Variants in CD2AP observed in about 807,000 individuals in gnomAD.
The protein encoded by CD2AP is CD2-associated protein.
In CD2AP, 46 loss-of-function variants were observed where a neutral mutation model predicts 85.1. That is an observed-to-expected ratio of 0.54 (90% confidence interval 0.43 to 0.69). The LOEUF (loss-of-function observed/expected upper bound fraction) is 0.69, where lower values mean the gene tolerates loss of function less well. CD2AP is among the 30% of genes least tolerant of loss of function. The pLI, the probability that CD2AP is intolerant of heterozygous loss-of-function variation, is 0.00. For synonymous variants in CD2AP, 255 were observed against 252.9 expected, an observed-to-expected ratio of 1.01 and a Z score of -0.08; for missense variants, 769 against 729.5, an observed-to-expected ratio of 1.05 and a Z score of -0.62.
intron 16 of CD2AP, among the ~76,000 whole-genome samples, chr6:47,611,276 A>G (rs1269637508): frequency 1.3e-5 from 2 of 151,662 alleles, no homozygotes; most frequent in Non-Finnish European, 1.5e-5. Flanking sequence ...GTTGAAAAGC[A>G]TACCAAACCA....
intron 16 of CD2AP, among the ~76,000 whole-genome samples, chr6:47,610,973 T>TATATATATATTTA (rs1454709863): frequency 3.3e-5 from 1 of 30,044 alleles, no homozygotes; most frequent in East Asian, 2.7e-3. Context: ...ATATATGTAT[T>TATATATATATTTA]TTTTTTTTTT....
chr6:47,491,612 A>C (rs1765738021), intron 1 of CD2AP, among the ~76,000 whole-genome samples: 1 of 152,058 alleles, frequency 6.6e-6, no homozygotes, highest in Non-Finnish European at 1.5e-5. Flanking sequence ...CATACAACTT[A>C]TGCCTATTTG....
intron 4 of CD2AP, among the ~76,000 whole-genome samples, chr6:47,552,107 T>G (rs1337877623): frequency 1.3e-5 from 2 of 152,010 alleles, no homozygotes; most frequent in Non-Finnish European, 2.9e-5. Flanking sequence ...GCCATCTAAG[T>G]CTGAATTTCA....
At chr6:47,513,794 A>G (rs950710664) in intron 2 of CD2AP, among the ~76,000 whole-genome samples, 1 of 151,320 alleles carries the variant, frequency 6.6e-6, no homozygotes, top group African/African-American at 2.4e-5. Flanking sequence ...GGGTGTGCAC[A>G]TGTTCAACTA....
At chr6:47,503,527 A>T in intron 2 of CD2AP, 87 bp downstream of exon 2, 1 of 1,179,882 alleles carries the variant, frequency 8.5e-7, no homozygotes, top group Non-Finnish European at 1.2e-6. Flanking sequence ...TTAAAATTAA[A>T]ATGTTTTAGA....
At chr6:47,570,745 T>C (rs1029588682) in intron 5 of CD2AP, among the ~76,000 whole-genome samples, 13 of 152,156 alleles carry the variant, frequency 8.5e-5, no homozygotes, top group Non-Finnish European at 7.4e-5. Flanking sequence ...TTCCCCATTT[T>C]ACAGGCAAAG....
At chr6:47,587,863 C>G (rs1459849925) in intron 11 of CD2AP, among the ~76,000 whole-genome samples, 3 of 152,086 alleles carry the variant, frequency 2.0e-5, no homozygotes, top group African/African-American at 7.2e-5. Context: ...TGCTGAAGGC[C>G]AGTCTGGTTC....
At position 47,507,715 on chromosome 6, in the gene CD2AP, G is replaced by T. The variant is rs548679570; in HGVS notation, c.165+4275G>T. ...CCGCCTTGGCCTCAGAAAATGCAGAGATTACAGGTGTGAGCCACCGTGCCT... is the reference window on the plus strand; with the variant it reads ...CCGCCTTGGCCTCAGAAAATGCAGATATTACAGGTGTGAGCCACCGTGCCT... On this transcript the variant is annotated intron_variant, in intron 2 of 17. Transcript: ENST00000359314. 5.9e-5 allele frequency among the ~76,000 whole-genome samples: 9 copies of T among 152,258 alleles called. No individual in the cohort carries two copies. In the South Asian group the frequency reaches 1.5e-3, roughly 25 times the overall value.
At chr6:47,509,215 T>C (rs764313576) in intron 2 of CD2AP, among the ~76,000 whole-genome samples, 2 of 152,134 alleles carry the variant, frequency 1.3e-5, no homozygotes, top group Admixed American at 6.5e-5. Flanking sequence ...ATTTATTAAA[T>C]TTGCTGTCTG....
intron 5 of CD2AP, among the ~76,000 whole-genome samples, chr6:47,568,819 AC>A (rs1364876998): frequency 6.6e-6 from 1 of 152,208 alleles, no homozygotes; most frequent in Admixed American, 6.5e-5. Context: ...GAAGAAAAAA[AC>A]TAAAGACCCT....
At chr6:47,539,812 A>AT (rs1274141275) in intron 3 of CD2AP, among the ~76,000 whole-genome samples, 1 of 152,094 alleles carries the variant, frequency 6.6e-6, no homozygotes, top group African/African-American at 2.4e-5. Flanking sequence ...TTATATAATG[A>AT]TTTTTAGAAG....
At chr6:47,487,123 C>T (rs954039226) in intron 1 of CD2AP, among the ~76,000 whole-genome samples, 3 of 152,142 alleles carry the variant, frequency 2.0e-5, no homozygotes, top group African/African-American at 7.2e-5. Context: ...CATTTGTGCA[C>T]AGCCATTTAA....
chr6:47,579,258 C>G, intron 8 of CD2AP, 127 bp from the exon 9 acceptor site: 1 of 650,322 alleles, frequency 1.5e-6, no homozygotes. Flanking sequence ...TCACTTGAGC[C>G]CAGGAGGTTG....
At chr6:47,551,968 C>G (rs1306312419) in intron 4 of CD2AP, among the ~76,000 whole-genome samples, 2 of 151,968 alleles carry the variant, frequency 1.3e-5, no homozygotes, top group Non-Finnish European at 2.9e-5. Flanking sequence ...TTGCCCTTTA[C>G]AAACTAGCAT....
intron 3 of CD2AP, among the ~76,000 whole-genome samples, chr6:47,543,165 A>AG (rs1411249971): frequency 6.9e-6 from 1 of 144,710 alleles, no homozygotes; most frequent in African/African-American, 2.5e-5. Context: ...AAAAAAAAAA[A>AG]AAAAAAAGAA....
chr6:47,530,049 A>T (rs1027075872), intron 2 of CD2AP, among the ~76,000 whole-genome samples: 1 of 152,052 alleles, frequency 6.6e-6, no homozygotes, highest in Non-Finnish European at 1.5e-5. Context: ...GCTAACTCTC[A>T]TTTATTCTTT....
At chr6:47,502,563 G>A (rs1766024524) in intron 1 of CD2AP, among the ~76,000 whole-genome samples, 1 of 144,676 alleles carries the variant, frequency 6.9e-6, no homozygotes, top group Non-Finnish European at 1.5e-5. Context: ...GCACGTTCTT[G>A]GCTCACTGCA....
intron 2 of CD2AP, among the ~76,000 whole-genome samples, chr6:47,505,553 C>T (rs533295587): frequency 1.5e-3 from 221 of 148,842 alleles, no homozygotes; most frequent in African/African-American, 5.3e-3. Context: ...GCACACCTCC[C>T]AGACGGGGTG....
rs1407940717 is a variant in CD2AP, at chr6:47,488,457, ATG to A, written c.4+10211_4+10212del. ...GAAATTAATTTTAATAATATTTTGAATGTATGTTGGTTTAAAGAAAGTACATT... is the reference window on the plus strand; with the variant it reads ...GAAATTAATTTTAATAATATTTTGAATATGTTGGTTTAAAGAAAGTACATT... On this transcript the variant is annotated intron_variant, in intron 1 of 17. Transcript: ENST00000359314. Among the ~76,000 whole-genome samples the A allele has an allele frequency of 1.4e-4, 22 of 152,206 alleles. No homozygotes were observed. The East Asian group carries it at 1.9e-3, about 13-fold the overall frequency.
Sources: allele counts gnomAD v4.1 joint callset (sites outside exome capture counted in the v4.1 genomes callset), GRCh38; gene constraint gnomAD v4.1.1; transcripts MANE v1.5; gene names NCBI Gene and HGNC (gene_info 2026-07-23, HGNC 2026-07-21).